Variants in NLRC4 observed in about 807,000 individuals in gnomAD.
NLRC4 encodes the protein NLR family CARD domain-containing protein 4.
Under a neutral mutation model 79.9 loss-of-function variants are expected in NLRC4, and 63 were observed. The ratio of observed to expected loss-of-function variants is 0.79; its 90% confidence interval spans 0.64 to 0.97. The LOEUF is 0.97. Among genes scored for constraint, NLRC4 ranks in the 50% least tolerant of loss-of-function variants. NLRC4 has a pLI of 0.00. For missense variants in NLRC4, 1,074 were observed against 1,215.2 expected, an observed-to-expected ratio of 0.88 and a Z score of 1.73; for synonymous variants, 461 against 456.5, an observed-to-expected ratio of 1.01 and a Z score of -0.12.
chr2:32,254,519 G>T (rs536250516), intron 2 of NLRC4, among the ~76,000 whole-genome samples: 5 of 151,356 alleles, frequency 3.3e-5, no homozygotes, highest in Non-Finnish European at 7.4e-5. Flanking sequence ...CTGTACCCAC[G>T]CTATGTTTGT....
rs1348307383 is a variant in NLRC4 at position 32,251,492 on chromosome 2, A to C, written c.372T>G (p.Ile124Met). ...FLNFYPLGEDIDIIFNLKSTF... is the reference protein window; with the variant it reads ...FLNFYPLGEDMDIIFNLKSTF... Reference sequence around the variant, plus strand: ...TGCTTTTCAAGTTAAAAATAATGTCAATATCTTCACCAAGGGGATAAAAGT... The same window carrying C: ...TGCTTTTCAAGTTAAAAATAATGTCCATATCTTCACCAAGGGGATAAAAGT... The change falls in exon 4 of 9, where the codon ATT (isoleucine) becomes ATG (methionine). Residue 124 changes from isoleucine (I) to methionine (M), a missense_variant. Ile to Met is a conservative substitution (Grantham distance 10, BLOSUM62 1). Transcript: ENST00000402280. 1 of 1,614,096 alleles carries C rather than the reference A, an allele frequency of 6.2e-7. No homozygotes were observed. Among genetic ancestry groups the C allele is most frequent in the South Asian group, 1.1e-5 (1 of 91,072 alleles).
rs758432190 is a variant in NLRC4, at chr2:32,250,295, G to T, written c.1569C>A (p.Ile523=). ...CCTGTCTCCAGAGAGGCCTCTTGGC[G>T]ATGGAAAGTCCGAGAAGGCAGCCGT... ...YQHGCLLGLS[I]AKRPLWRQES... Residue 523 remains isoleucine, a synonymous_variant, in exon 4 of 9, where the codon ATC becomes ATA. Transcript: ENST00000402280. The surrounding 1 kb of genome is among the most constrained non-coding windows in gnomAD (Gnocchi z 4.9). The T allele has an allele frequency of 6.2e-6, 10 of 1,614,154 alleles. No individual in the cohort carries two copies. The East Asian group carries it at 2.2e-4, about 36-fold the overall frequency.
rs139297774 is a variant in NLRC4, at chr2:32,233,683, T to A, written c.2782+1718A>T. ...CAGATTTCAATTTTGGGGGATTTTT[T>A]AAGACTTATTTTGTGGCCTAACATG... On this transcript the variant is annotated intron_variant, in intron 8 of 8. Coordinates refer to ENST00000402280, the MANE Select transcript of NLRC4 (RefSeq NM_001199138.2). Among the ~76,000 whole-genome samples the A allele has an allele frequency of 5.6e-3, 846 of 152,286 alleles. 9 individuals are homozygous for A. Among genetic ancestry groups the A allele is most frequent in the African/African-American group, 0.02 (815 of 41,556 alleles).
At position 32,257,939 on chromosome 2, in the gene NLRC4, C is replaced by T. The variant is rs536308456; in HGVS notation, c.-118-1046G>A. On this transcript the variant is annotated intron_variant, in intron 1 of 8. Coordinates refer to ENST00000402280, the MANE Select transcript of NLRC4 (RefSeq NM_001199138.2). ...AGGGTGCTCTTTTAGTTCAGCTGTC[C>T]GTAGGCGTCTTGTATTAGCTCAATG... Among the ~76,000 whole-genome samples, 131 of 152,114 alleles carry T rather than the reference C, an allele frequency of 8.6e-4. 3 individuals are homozygous for T. The highest frequency in any genetic ancestry group is 3.0e-3 in the African/African-American group (126 of 41,498).
intron 2 of NLRC4, among the ~76,000 whole-genome samples, 198 bp downstream of exon 2, chr2:32,256,577 C>T (rs1192615299): frequency 6.6e-6 from 1 of 152,184 alleles, no homozygotes; most frequent in Non-Finnish European, 1.5e-5. Flanking sequence ...TTGTGTAAGT[C>T]CTATCCTATC....
intron 8 of NLRC4, among the ~76,000 whole-genome samples, chr2:32,230,740 C>T (rs900252575): frequency 6.6e-5 from 10 of 152,132 alleles, no homozygotes; most frequent in African/African-American, 1.4e-4. Context: ...CATTAATATA[C>T]AAGTTTTTAT....
At chr2:32,243,712 T>C (rs968771020) in intron 4 of NLRC4, among the ~76,000 whole-genome samples, 20 of 144,272 alleles carry the variant, frequency 1.4e-4, no homozygotes, top group Middle Eastern at 3.8e-3. Flanking sequence ...GCAGGAGAAT[T>C]GCTTGAACCC....
rs184082451 is a variant in NLRC4, at chr2:32,234,255, G to A, written c.2782+1146C>T. On this transcript the variant is annotated intron_variant, in intron 8 of 8. Transcript: ENST00000402280. ...AAAAAAATTAGGCGTGGTGGCTGGC[G>A]CCTGTGGTCCCAGCTCCTCGGGAGG... 5.3e-5 allele frequency among the ~76,000 whole-genome samples: 8 copies of A among 152,022 alleles called. No individual in the cohort carries two copies. The South Asian group carries it at 1.3e-3, about 24-fold the overall frequency.
chr2:32,247,391 C>A (rs1686962959), intron 4 of NLRC4, among the ~76,000 whole-genome samples: 1 of 150,018 alleles, frequency 6.7e-6, no homozygotes. Flanking sequence ...CTCGGCCCAC[C>A]GCAACCTCCA....
chr2:32,234,231 A>G (rs1258138843), intron 8 of NLRC4, among the ~76,000 whole-genome samples: 4 of 152,032 alleles, frequency 2.6e-5, no homozygotes. Context: ...AATACAAAAA[A>G]AAAAATTAGG....
chr2:32,252,771 C>G, intron 2 of NLRC4, 92 bp from the exon 3 acceptor site: 1 of 1,118,236 alleles, frequency 8.9e-7, no homozygotes. Flanking sequence ...GTAATCCCAG[C>G]ACTTTGGGAG....
chr2:32,233,347 ATATTTT>A (rs1298333154), intron 8 of NLRC4, among the ~76,000 whole-genome samples: 4,419 of 45,006 alleles, frequency 0.098, 68 homozygotes, highest in African/African-American at 0.12. Context: ...ATATATATAT[ATATTTT>A]TTTTTTTTTT....
At chr2:32,225,447 A>G (rs1340412333) in intron 8 of NLRC4, among the ~76,000 whole-genome samples, 3 of 150,234 alleles carry the variant, frequency 2.0e-5, no homozygotes, top group South Asian at 2.1e-4. Context: ...GTGTGTGTGT[A>G]TACATACACA....
Position 32,260,890 on chromosome 2 carries a change from A to C in NLRC4, c.-119+3848T>G, listed in dbSNP as rs572100194. 9.2e-5 allele frequency among the ~76,000 whole-genome samples: 14 copies of C among 152,198 alleles called. No homozygotes were observed. In the South Asian group the frequency reaches 2.9e-3, roughly 32 times the overall value. ...TATCAGACACCACCTTCTCAAGTTCATCTATAAAACCCCATGCATTGGCTG... is the reference window on the plus strand; with the variant it reads ...TATCAGACACCACCTTCTCAAGTTCCTCTATAAAACCCCATGCATTGGCTG... On this transcript the variant is annotated intron_variant, in intron 1 of 8. Coordinates refer to ENST00000402280, the MANE Select transcript of NLRC4 (RefSeq NM_001199138.2).
At chr2:32,238,741 A>G (rs902884948) in intron 5 of NLRC4, among the ~76,000 whole-genome samples, 1 of 152,128 alleles carries the variant, frequency 6.6e-6, no homozygotes, top group Admixed American at 6.5e-5. Context: ...TACAGCCTCA[A>G]AAGCCTTGCC....
intron 3 of NLRC4, 87 bp from the exon 4 acceptor site, chr2:32,251,688 G>C: frequency 1.1e-6 from 1 of 874,462 alleles, no homozygotes; most frequent in South Asian, 1.7e-5. Flanking sequence ...GGGGGGTGAG[G>C]CTGAGAATCT....
intron 1 of NLRC4, among the ~76,000 whole-genome samples, chr2:32,261,316 C>CCCCTTTTTTTTT: frequency 2.1e-4 from 20 of 96,910 alleles, no homozygotes; most frequent in Non-Finnish European, 2.9e-4. Flanking sequence ...AGCCTCCCCC[C>CCCCTTTTTTTTT]TTTTGTTTTT....
At chr2:32,244,553 A>AT (rs914789234) in intron 4 of NLRC4, among the ~76,000 whole-genome samples, 59 of 151,866 alleles carry the variant, frequency 3.9e-4, no homozygotes, top group African/African-American at 9.9e-4. Flanking sequence ...GCAAAAAAAA[A>AT]AAATAAATAA....
At position 32,245,876 on chromosome 2, in the gene NLRC4, A is replaced by G. The variant is rs183294321; in HGVS notation, c.2257+3731T>C. Among the ~76,000 whole-genome samples the G allele has an allele frequency of 6.2e-4, 95 of 152,338 alleles. 1 individual carries two copies. Among genetic ancestry groups the G allele is most frequent in the Admixed American group, 6.1e-3 (93 of 15,304 alleles). ...TCAATAATGTTGGCTATCGTTATGT[A>G]TACCTTTAAAAAATCAACAGGTTGG... On this transcript the variant is annotated intron_variant, in intron 4 of 8. Transcript: ENST00000402280.
Sources: gnomAD v4.1 joint callset for allele counts (sites outside exome capture counted in the v4.1 genomes callset) on GRCh38, gnomAD v4.1.1 for gene constraint, Gnocchi (gnomAD v3.1) non-coding constraint, MANE v1.5 for transcripts, NCBI Gene and HGNC (gene_info 2026-07-23, HGNC 2026-07-21) for gene names.